RABGAP1L: variants seen among roughly 807,000 people sequenced by gnomAD.
The protein encoded by RABGAP1L is rab GTPase-activating protein 1-like.
RABGAP1L carries 63 observed loss-of-function variants against 137.7 expected under a neutral mutation model. That is an observed-to-expected ratio of 0.46 (90% CI 0.37 to 0.56). RABGAP1L has a LOEUF of 0.56. Ranked by LOEUF, RABGAP1L falls within the 20% of genes least tolerant of loss-of-function variation. RABGAP1L has a pLI of 0.00. For synonymous variants in RABGAP1L, 431 were observed against 433.7 expected (o/e 0.99, Z 0.08); for missense variants, 1,095 against 1,244.0 (o/e 0.88, Z 1.80).
chr1:174,711,537 C>T (rs1441183672), intron 17 of RABGAP1L, among the ~76,000 whole-genome samples: 7 of 152,236 alleles, frequency 4.6e-5, no homozygotes, highest in South Asian at 2.1e-4. Context: ...TGCTTCGCAC[C>T]CGGGCCAGCA....
chr1:174,835,994 A>G (rs1379213108), intron 19 of RABGAP1L, among the ~76,000 whole-genome samples: 1 of 152,260 alleles, frequency 6.6e-6, no homozygotes, highest in East Asian at 1.9e-4. Flanking sequence ...TGCATGGTTC[A>G]GAATCCCCAT....
At chr1:174,387,923 G>GA (rs1686931847) in intron 12 of RABGAP1L, among the ~76,000 whole-genome samples, 1 of 151,940 alleles carries the variant, frequency 6.6e-6, no homozygotes, top group South Asian at 2.1e-4. Context: ...ATTATGTCAT[G>GA]ATATGAAAAG....
At chr1:174,207,235 A>G (rs1668572209) in intron 1 of RABGAP1L, among the ~76,000 whole-genome samples, 1 of 152,198 alleles carries the variant, frequency 6.6e-6, no homozygotes, top group Admixed American at 6.5e-5. Context: ...ATGCATTTTA[A>G]AGCAGTTTTG....
chr1:174,275,751 G>T lies in RABGAP1L; in HGVS notation c.1054-82G>T, dbSNP rs1186494103. ...CTGTTAATCTAAATTTTAATAATTT[G>T]TATTGCTTAAAGTAAGATGTAATTT... On this transcript the variant is annotated intron_variant, in intron 8 of 25. Transcript: ENST00000681986. 6.1e-6 allele frequency: 6 copies of T among 981,532 alleles called. No individual in the cohort carries two copies. The South Asian group carries it at 1.1e-4, about 17-fold the overall frequency. The allele number at this position is 981,532 out of a possible 1,614,324, so 60.8% of individuals were successfully genotyped here.
chr1:174,500,770 T>C (rs1438261131), intron 13 of RABGAP1L, among the ~76,000 whole-genome samples: 5 of 152,222 alleles, frequency 3.3e-5, no homozygotes, highest in South Asian at 4.2e-4. Context: ...GCTCAGCTCC[T>C]GATTGAGAAG....
chr1:174,321,337 T>G (rs1679957106), intron 11 of RABGAP1L, among the ~76,000 whole-genome samples: 1 of 152,148 alleles, frequency 6.6e-6, no homozygotes, highest in Non-Finnish European at 1.5e-5. Context: ...GCTTGTGATA[T>G]TTTGTTCCCC....
chr1:174,673,500 T>G (rs1488689740), intron 14 of RABGAP1L, among the ~76,000 whole-genome samples: 1 of 152,198 alleles, frequency 6.6e-6, no homozygotes, highest in Non-Finnish European at 1.5e-5. Context: ...GTACCTGAGA[T>G]GAGCTATTTT....
intron 19 of RABGAP1L, among the ~76,000 whole-genome samples, chr1:174,853,039 A>G (rs917086798): frequency 1.3e-5 from 2 of 152,044 alleles, no homozygotes; most frequent in Non-Finnish European, 2.9e-5. Context: ...TAATGTTTCT[A>G]AAAGGAATGA....
rs567982992 is a variant in RABGAP1L at position 174,443,096 on chromosome 1, C to T, written c.1710+48951C>T. Among the ~76,000 whole-genome samples the T allele has an allele frequency of 4.6e-5, 7 of 152,030 alleles. No homozygotes were observed. The East Asian group carries it at 9.6e-4, about 21-fold the overall frequency. ...AATATTTTATTGTATATACATATTG[C>T]TTTTTTTCCCCACCTGTTCATGTCT... is the stretch of plus-strand genomic sequence containing the variant. On this transcript the variant is annotated intron_variant, in intron 13 of 25. Coordinates refer to ENST00000681986, the MANE Select transcript of RABGAP1L (RefSeq NM_001366446.1).
At chr1:174,383,020 C>G (rs1686316673) in intron 12 of RABGAP1L, among the ~76,000 whole-genome samples, 1 of 151,192 alleles carries the variant, frequency 6.6e-6, no homozygotes, top group East Asian at 1.9e-4. Context: ...ACAGGACCCT[C>G]AGCTGCAGGT....
At chr1:174,960,242 A>T (rs1668969409) in intron 20 of RABGAP1L, among the ~76,000 whole-genome samples, 1 of 152,198 alleles carries the variant, frequency 6.6e-6, no homozygotes, top group Non-Finnish European at 1.5e-5. Context: ...ATTTCAGTTC[A>T]GTGCTATTTC....
intron 17 of RABGAP1L, among the ~76,000 whole-genome samples, chr1:174,711,036 C>T (rs537505796): frequency 4.5e-4 from 68 of 152,114 alleles, no homozygotes; most frequent in Non-Finnish European, 8.5e-4. Context: ...TAAAGCCCGG[C>T]GAGAAGTCGA....
chr1:174,250,330 A>T (rs959707777), intron 5 of RABGAP1L, 145 bp from the exon 6 acceptor site: 2 of 519,132 alleles, frequency 3.9e-6, no homozygotes, highest in East Asian at 3.1e-5. Context: ...CTAAACAATG[A>T]TAAATACTTA....
At chr1:174,803,274 G>C (rs1437385286) in intron 18 of RABGAP1L, among the ~76,000 whole-genome samples, 1 of 152,096 alleles carries the variant, frequency 6.6e-6, no homozygotes, top group African/African-American at 2.4e-5. Context: ...ATTTTTGCTT[G>C]TTACCCTTCA....
intron 7 of RABGAP1L, 70 bp downstream of exon 7, chr1:174,252,660 C>T (rs911410916): frequency 1.3e-6 from 2 of 1,546,052 alleles, no homozygotes; most frequent in South Asian, 1.3e-5. Context: ...ATGCATTGCT[C>T]AGTGTGGCTT....
intron 19 of RABGAP1L, among the ~76,000 whole-genome samples, chr1:174,839,058 G>GTGTGTGTGTGT (rs1693108352): frequency 1.3e-5 from 1 of 74,958 alleles, no homozygotes; most frequent in African/African-American, 4.0e-5. Context: ...TGTGTGTGTT[G>GTGTGTGTGTGT]GTAGGGGTGG....
intron 13 of RABGAP1L, among the ~76,000 whole-genome samples, chr1:174,543,487 T>C (rs1665680284): frequency 1.3e-5 from 2 of 152,202 alleles, no homozygotes; most frequent in Non-Finnish European, 2.9e-5. Flanking sequence ...CCTATGTGTT[T>C]CCCTGCCTGT....
intron 13 of RABGAP1L, chr1:174,548,653 A>G (rs1157765172): frequency 1.3e-6 from 1 of 793,674 alleles, no homozygotes; most frequent in Non-Finnish European, 1.5e-6. Context: ...GTATTTGGCT[A>G]GGTTCCCCTC....
chr1:174,399,334 T>C (rs1291532078), intron 13 of RABGAP1L, among the ~76,000 whole-genome samples: 1 of 152,154 alleles, frequency 6.6e-6, no homozygotes, highest in African/African-American at 2.4e-5. Flanking sequence ...GGAAAGGGCA[T>C]GAACACTCAA....
Sources: allele counts gnomAD v4.1 joint callset (sites outside exome capture counted in the v4.1 genomes callset), GRCh38; gene constraint gnomAD v4.1.1; transcripts MANE v1.5; gene names NCBI Gene and HGNC (gene_info 2026-07-23, HGNC 2026-07-21).